Variants in MGST1 observed in about 807,000 individuals in gnomAD.
MGST1 encodes the protein microsomal glutathione S-transferase 1, also known as glutathione S-transferase 12.
Under a neutral mutation model 8.9 loss-of-function variants are expected in MGST1, and 5 were observed. The observed-to-expected ratio is 0.56, with a 90% confidence interval of 0.29 to 1.19. The LOEUF (loss-of-function observed/expected upper bound fraction) is 1.19. Among genes scored for constraint, MGST1 ranks in the 50% most tolerant of loss-of-function variants. The pLI, the probability that MGST1 is intolerant of heterozygous loss-of-function variation, is 0.08. For missense variants in MGST1, 182 were observed against 187.4 expected (o/e 0.97, Z 0.17); for synonymous variants, 54 against 67.8 (o/e 0.80, Z 1.00).
intron 4 of MGST1, among the ~76,000 whole-genome samples, chr12:16,536,448 A>C (rs1941757481): frequency 6.6e-6 from 1 of 152,222 alleles, no homozygotes; most frequent in Non-Finnish European, 1.5e-5. Flanking sequence ...AGAGAAGTAA[A>C]GACAGTAAAG....
intron 1 of MGST1, among the ~76,000 whole-genome samples, chr12:16,424,513 C>G (rs974123950): frequency 3.3e-5 from 5 of 152,156 alleles, no homozygotes; most frequent in Admixed American, 6.5e-5. Context: ...TTCTTTTCCT[C>G]TAATTATTTC....
Position 16,413,791 on chromosome 12 carries a change from A to AAT in MGST1, n.779-23595_779-23594dup, listed in dbSNP as rs1405931485. ...GTTTCCACTTCTAGACTATGCAATTAATAGTGTTATTTAATCTTGGCATCT... is the reference window on the plus strand; with the variant it reads ...GTTTCCACTTCTAGACTATGCAATTAATATAGTGTTATTTAATCTTGGCATCT... On this transcript the variant is annotated intron_variant and non_coding_transcript_variant, in intron 1 of 1. Coordinates refer to the MGST1 transcript ENST00000359720. This position sits in a 1 kb window ranked among gnomAD's most constrained non-coding sequence, Gnocchi z 4.0. 2.0e-5 allele frequency among the ~76,000 whole-genome samples: 3 copies of AAT among 152,328 alleles called. No individual in the cohort carries two copies. The highest frequency in any genetic ancestry group is 7.2e-5 in the African/African-American group (3 of 41,584).
intron 4 of MGST1, among the ~76,000 whole-genome samples, chr12:16,470,806 T>A (rs75540963): frequency 0.024 from 3,587 of 152,192 alleles, 135 homozygotes; most frequent in African/African-American, 0.082. Flanking sequence ...AAATAAAAAA[T>A]AAGTTACTTA....
chr12:16,450,839 CGTGTGTGTGTGTGTGT>C (rs66984063), intron 4 of MGST1, among the ~76,000 whole-genome samples: 5 of 147,986 alleles, frequency 3.4e-5, no homozygotes, highest in Non-Finnish European at 6.0e-5. Flanking sequence ...ATATATATTC[CGTGTGTGTGTGTGTGT>C]GTGTGTGTGT....
At chr12:16,468,134 A>T (rs796065712) in intron 4 of MGST1, among the ~76,000 whole-genome samples, 5 of 152,268 alleles carry the variant, frequency 3.3e-5, no homozygotes, top group African/African-American at 1.2e-4. Flanking sequence ...TCAGAAGCTC[A>T]TTCTATTTCC....
chr12:16,429,064 A>T (rs1382319081), intron 1 of MGST1, among the ~76,000 whole-genome samples: 1 of 152,010 alleles, frequency 6.6e-6, no homozygotes, highest in Non-Finnish European at 1.5e-5. Flanking sequence ...GCTTTTTAAG[A>T]TAACAATAAA....
intron 4 of MGST1, among the ~76,000 whole-genome samples, chr12:16,511,742 C>G (rs967672922): frequency 3.3e-5 from 5 of 152,032 alleles, no homozygotes; most frequent in African/African-American, 9.7e-5. Context: ...AGTACCAGCC[C>G]CTCTCTTCTT....
chr12:16,370,240 C>G (rs1422359879), intron 3 of MGST1: 2 of 152,150 alleles, frequency 1.3e-5, no homozygotes, highest in African/African-American at 4.8e-5. Flanking sequence ...ACTTGGCCTT[C>G]TCCCTCTCAT....
At chr12:16,504,180 A>G (rs1437879116) in intron 4 of MGST1, among the ~76,000 whole-genome samples, 1 of 148,878 alleles carries the variant, frequency 6.7e-6, no homozygotes, top group East Asian at 2.0e-4. Context: ...TTGTAACTCA[A>G]ATAAACACTA....
chr12:16,490,336 G>T, intron 4 of MGST1, among the ~76,000 whole-genome samples: 1 of 152,114 alleles, frequency 6.6e-6, no homozygotes, highest in African/African-American at 2.4e-5. Flanking sequence ...CATGAGAACA[G>T]CATGTTCCAT....
intron 4 of MGST1, among the ~76,000 whole-genome samples, chr12:16,478,383 T>A (rs1156258234): frequency 1.3e-5 from 2 of 151,992 alleles, no homozygotes; most frequent in African/African-American, 4.8e-5. Context: ...AAGCCAAACA[T>A]AAAATGAAGT....
intron 4 of MGST1, among the ~76,000 whole-genome samples, chr12:16,461,189 A>AAG (rs1327788107): frequency 6.6e-6 from 1 of 151,604 alleles, no homozygotes; most frequent in Non-Finnish European, 1.5e-5. Flanking sequence ...GGAAAAAAAA[A>AAG]AAAAGCACAT....
chr12:16,506,217 C>A (rs11056961), intron 4 of MGST1, among the ~76,000 whole-genome samples: 7 of 152,046 alleles, frequency 4.6e-5, no homozygotes, highest in Non-Finnish European at 8.8e-5. Context: ...TGTCAACATG[C>A]GCCCTCATTC....
At chr12:16,592,449 A>G (rs1196824715), downstream of MGST1, among the ~76,000 whole-genome samples, 1 of 152,046 alleles carries the variant, frequency 6.6e-6, no homozygotes, top group Admixed American at 6.6e-5. Context: ...TTCACATGCA[A>G]TATTTATAGA....
At chr12:16,423,134 T>C (rs1436233471) in intron 1 of MGST1, among the ~76,000 whole-genome samples, 1 of 152,184 alleles carries the variant, frequency 6.6e-6, no homozygotes, top group African/African-American at 2.4e-5. Flanking sequence ...TCATCTTACT[T>C]TTTTCATTTT....
intron 4 of MGST1, chr12:16,567,265 T>G (rs902972588): frequency 6.1e-6 from 1 of 164,472 alleles, no homozygotes; most frequent in Non-Finnish European, 1.3e-5. Flanking sequence ...CAGCAATAAT[T>G]CATGGTATTG....
At chr12:16,380,240 T>A (rs1178931663), downstream of MGST1, among the ~76,000 whole-genome samples, 1 of 151,958 alleles carries the variant, frequency 6.6e-6, no homozygotes, top group Non-Finnish European at 1.5e-5. Context: ...TGTTAGGGTG[T>A]CAATTTTAGG....
chr12:16,374,781 ATCTC>A (rs1191444210), intron 3 of MGST1, among the ~76,000 whole-genome samples: 1 of 152,154 alleles, frequency 6.6e-6, no homozygotes, highest in African/African-American at 2.4e-5. Context: ...AATTAGAAAA[ATCTC>A]TATATGTTAC....
chr12:16,503,125 A>C lies in MGST1; in HGVS notation n.483-86403A>C, dbSNP rs1430117898. 6.6e-6 allele frequency among the ~76,000 whole-genome samples: 1 copy of C among 152,168 alleles called. No homozygotes were observed. Among genetic ancestry groups the C allele is most frequent in the East Asian group, 1.9e-4 (1 of 5,190 alleles). Reference sequence around the variant, plus strand: ...TAAGAATGAAGAAGGAAAGGAAAGAAGTTAAAATAGAAGTTTTTATGGGAT... The same window carrying C: ...TAAGAATGAAGAAGGAAAGGAAAGACGTTAAAATAGAAGTTTTTATGGGAT... On this transcript the variant is annotated intron_variant and non_coding_transcript_variant, in intron 4 of 4. Coordinates refer to the MGST1 transcript ENST00000538857. This position sits in a 1 kb window ranked among gnomAD's most constrained non-coding sequence, Gnocchi z 4.8.
Sources: allele counts gnomAD v4.1 joint callset (sites outside exome capture counted in the v4.1 genomes callset), GRCh38; gene constraint gnomAD v4.1.1; non-coding constraint Gnocchi (gnomAD v3.1); transcripts MANE v1.5; gene names NCBI Gene and HGNC (gene_info 2026-07-23, HGNC 2026-07-21).